Variants in TEX36 observed in about 807,000 individuals in gnomAD.
TEX36 encodes the protein testis-expressed protein 36.
A neutral mutation model predicts 13.6 loss-of-function variants in TEX36; 12 were observed. That is an observed-to-expected ratio of 0.88 (90% CI 0.56 to 1.43). The LOEUF (loss-of-function observed/expected upper bound fraction) is 1.43, where lower values mean the gene tolerates loss of function less well. Ranked by LOEUF, TEX36 falls within the 40% of genes most tolerant of loss-of-function variation. TEX36 has a pLI of 0.00. For synonymous variants in TEX36, 93 were observed against 83.0 expected (o/e 1.12, Z -0.65); for missense variants, 224 against 228.3 (o/e 0.98, Z 0.12).
chr10:125,632,495 G>A (rs1315486505), intron 3 of TEX36, among the ~76,000 whole-genome samples: 3 of 152,168 alleles, frequency 2.0e-5, no homozygotes, highest in Non-Finnish European at 4.4e-5. Context: ...CTACATAAGG[G>A]ACTGGCCCAC....
chr10:125,580,349 T>C (rs73375957), intron 3 of TEX36, among the ~76,000 whole-genome samples: 3,878 of 152,344 alleles, frequency 0.025, 154 homozygotes, highest in African/African-American at 0.088. Flanking sequence ...TTTGCTCTTT[T>C]GTGGTAGTAC....
chr10:125,626,898 G>A (rs79770760), intron 3 of TEX36, among the ~76,000 whole-genome samples: 6,353 of 152,226 alleles, frequency 0.042, 236 homozygotes, highest in South Asian at 0.17. Context: ...CCTCCAGCAC[G>A]ACCTCCTGGA....
chr10:125,666,999 C>T, intron 1 of TEX36: 1 of 1,428,488 alleles, frequency 7.0e-7, no homozygotes, highest in South Asian at 1.3e-5. Context: ...TCCTGGGCAG[C>T]CTTCAGGTTC....
At chr10:125,667,627 C>G (rs1847144766) in intron 1 of TEX36, 3 of 722,312 alleles carry the variant, frequency 4.2e-6, no homozygotes, top group Non-Finnish European at 7.8e-6. Flanking sequence ...CCTTGTCTAC[C>G]TTGCTGCCCC....
chr10:125,585,802 A>G (rs895221189), intron 3 of TEX36, among the ~76,000 whole-genome samples: 1 of 152,160 alleles, frequency 6.6e-6, no homozygotes, highest in African/African-American at 2.4e-5. Flanking sequence ...GGCTTTTGGG[A>G]CTTCATTTCC....
At chr10:125,602,138 G>T (rs1380822033) in intron 3 of TEX36, among the ~76,000 whole-genome samples, 1 of 152,174 alleles carries the variant, frequency 6.6e-6, no homozygotes, top group Non-Finnish European at 1.5e-5. Context: ...CTGTCAAAAA[G>T]AAGGGGCAAG....
chr10:125,621,659 AAGCCAGCAGT>A (rs759931617), intron 3 of TEX36: 20 of 455,888 alleles, frequency 4.4e-5, no homozygotes, highest in Non-Finnish European at 7.9e-5. Context: ...GGAAAGAGAA[AAGCCAGCAGT>A]AGCTCAGTTC....
chr10:125,609,013 A>G (rs60236689), intron 3 of TEX36, among the ~76,000 whole-genome samples: 1 of 108,934 alleles, frequency 9.2e-6, no homozygotes, highest in African/African-American at 6.3e-5. Flanking sequence ...AAAGAAAAAA[A>G]GGAAAAAAAT....
chr10:125,651,140 CTT>C (rs1377125479), downstream of TEX36, among the ~76,000 whole-genome samples: 1 of 152,188 alleles, frequency 6.6e-6, no homozygotes, highest in Admixed American at 6.5e-5. Flanking sequence ...CTCCCTAAAT[CTT>C]TTTATGAGGC....
intron 3 of TEX36, among the ~76,000 whole-genome samples, chr10:125,601,815 G>T (rs577614743): frequency 6.6e-6 from 1 of 152,316 alleles, no homozygotes; most frequent in East Asian, 1.9e-4. Flanking sequence ...CATCCTCTGG[G>T]AACACCGACC....
intron 3 of TEX36, among the ~76,000 whole-genome samples, chr10:125,596,982 G>T (rs1206380462): frequency 1.3e-5 from 2 of 152,178 alleles, no homozygotes; most frequent in African/African-American, 4.8e-5. Context: ...AAGCCATTAT[G>T]GGATGACATG....
intron 3 of TEX36, among the ~76,000 whole-genome samples, chr10:125,614,383 T>C (rs1399980599): frequency 1.3e-5 from 2 of 152,124 alleles, no homozygotes; most frequent in Non-Finnish European, 2.9e-5. Flanking sequence ...TGGTAATGCG[T>C]AGGTTTTCTT....
rs35078105 is a variant in TEX36, at chr10:125,586,635, C to CAAAAAAAA, written c.265-9769_265-9762dup. 5.2e-3 allele frequency among the ~76,000 whole-genome samples: 587 copies of CAAAAAAAA among 113,756 alleles called. 2 individuals are homozygous for CAAAAAAAA. Among genetic ancestry groups the CAAAAAAAA allele is most frequent in the Non-Finnish European group, 6.5e-3 (379 of 58,736 alleles). 74.6% of individuals were successfully genotyped at this position (113,756 alleles called of 152,430 possible). On this transcript the variant is annotated intron_variant, in intron 3 of 3. Coordinates refer to the TEX36 transcript ENST00000532135. Reference sequence around the variant, plus strand: ...TGAAACTCCGTCTCTACTAAAAATCCAAAAAAAAAAAAAAAAAAAAAATTA... The same window carrying CAAAAAAAA: ...TGAAACTCCGTCTCTACTAAAAATCCAAAAAAAAAAAAAAAAAAAAAAAAAAAAAATTA...
At position 125,661,996 on chromosome 10, in the gene TEX36, C is replaced by G. The variant is rs1275366855; in HGVS notation, c.52-19G>C. ...GAGGGAACTGGAAGAACAGCACACG[C>G]CTTGATTAAAACCAGACACATTTGA... On this transcript the variant is annotated intron_variant, in intron 1 of 3. Coordinates refer to ENST00000368821, the MANE Select transcript of TEX36 (RefSeq NM_001128202.3). The G allele has an allele frequency of 1.4e-5, 22 of 1,552,222 alleles. No homozygotes were observed. The highest frequency in any genetic ancestry group is 1.9e-5 in the Non-Finnish European group (22 of 1,147,114).
chr10:125,650,279 G>C (rs954737073), intron 3 of TEX36, among the ~76,000 whole-genome samples: 5 of 152,278 alleles, frequency 3.3e-5, no homozygotes, highest in African/African-American at 1.2e-4. Flanking sequence ...TAAAAGAATA[G>C]AAATTATAAC....
chr10:125,618,699 C>G (rs1367006309), downstream of TEX36, among the ~76,000 whole-genome samples: 1 of 152,042 alleles, frequency 6.6e-6, no homozygotes, highest in Non-Finnish European at 1.5e-5. Flanking sequence ...TAGTGCAGGT[C>G]CTGCCCACCC....
At chr10:125,676,672 T>A (rs1349766746) in intron 1 of TEX36, among the ~76,000 whole-genome samples, 1 of 152,248 alleles carries the variant, frequency 6.6e-6, no homozygotes, top group Non-Finnish European at 1.5e-5. Flanking sequence ...AATTGTTTTC[T>A]TGTTGTTTAC....
rs1589784047 is a variant in TEX36, at chr10:125,667,121, C to T, written c.52-5144G>A. The T allele has an allele frequency of 3.8e-6, 3 of 791,816 alleles. No individual in the cohort carries two copies. In the East Asian group the frequency reaches 8.7e-5, roughly 23 times the overall value. The allele number at this position is 791,816 out of a possible 1,614,324, so 49.0% of individuals were successfully genotyped here. A position where few individuals can be genotyped will look rare whatever the true frequency, so the allele number is the denominator to read the frequency against. On this transcript the variant is annotated intron_variant, in intron 1 of 3. Transcript: ENST00000368821. Reference sequence around the variant, plus strand: ...TTGAGGTTGATGGATGCCTCCTCCTCATTCTGGCCTCCAGACAGGAATGTG... The same window carrying T: ...TTGAGGTTGATGGATGCCTCCTCCTTATTCTGGCCTCCAGACAGGAATGTG...
chr10:125,624,399 A>G (rs1434729704), intron 3 of TEX36, among the ~76,000 whole-genome samples: 1 of 152,202 alleles, frequency 6.6e-6, no homozygotes, highest in Non-Finnish European at 1.5e-5. Flanking sequence ...AGGGGCAGAC[A>G]TCCTCATGTC....
Sources: gnomAD v4.1 joint callset for allele counts (sites outside exome capture counted in the v4.1 genomes callset) on GRCh38, gnomAD v4.1.1 for gene constraint, MANE v1.5 for transcripts, NCBI Gene and HGNC (gene_info 2026-07-23, HGNC 2026-07-21) for gene names.